Variants in FOXN3 observed in about 807,000 individuals in gnomAD.
FOXN3 encodes forkhead box protein N3.
FOXN3 carries 7 observed loss-of-function variants against 38.4 expected under a neutral mutation model. That is an observed-to-expected ratio of 0.18 (90% confidence interval 0.10 to 0.34). The LOEUF is 0.34. Ranked by LOEUF, FOXN3 falls within the 10% of genes least tolerant of loss-of-function variation. The probability of loss-of-function intolerance (pLI) is 1.00; values close to 1 mark genes in which losing one functional copy is unlikely to be tolerated. For synonymous variants in FOXN3, 230 were observed against 242.2 expected (o/e 0.95, Z 0.47); for missense variants, 456 against 613.4 (o/e 0.74, Z 2.71).
chr14:89,226,941 C>G (rs1447675950), intron 4 of FOXN3, among the ~76,000 whole-genome samples: 1 of 152,194 alleles, frequency 6.6e-6, no homozygotes, highest in Non-Finnish European at 1.5e-5. Flanking sequence ...CTGCCCACAT[C>G]TTGACTTCAG....
upstream of FOXN3, among the ~76,000 whole-genome samples, chr14:89,421,096 A>C (rs1040086113): frequency 1.3e-5 from 2 of 149,364 alleles, no homozygotes; most frequent in African/African-American, 4.9e-5. Flanking sequence ...GTTATGGGAT[A>C]CTTCTTTTTT....
chr14:89,360,308 G>C (rs180864469), intron 2 of FOXN3, among the ~76,000 whole-genome samples: 1 of 146,260 alleles, frequency 6.8e-6, no homozygotes, highest in Non-Finnish European at 1.5e-5. Context: ...GATGGAGAGA[G>C]AGAGGGGAAG....
At chr14:89,211,659 AGT>A (rs1163088506) in intron 4 of FOXN3, among the ~76,000 whole-genome samples, 3 of 152,158 alleles carry the variant, frequency 2.0e-5, no homozygotes, top group African/African-American at 7.2e-5. Context: ...TTCTTTTAGG[AGT>A]GGATTATACA....
chr14:89,612,726 C>A (rs372982478), intron 1 of FOXN3, among the ~76,000 whole-genome samples: 8 of 151,678 alleles, frequency 5.3e-5, no homozygotes, highest in Admixed American at 4.6e-4. Flanking sequence ...CCCAAGAGTT[C>A]GAGGCTGCAT....
intron 3 of FOXN3, among the ~76,000 whole-genome samples, chr14:89,306,436 C>T (rs1887378808): frequency 6.6e-6 from 1 of 152,024 alleles, no homozygotes; most frequent in Non-Finnish European, 1.5e-5. Flanking sequence ...GGCACCATCT[C>T]GGTTCACTGC....
chr14:89,201,809 A>G (rs1888243213), intron 4 of FOXN3, among the ~76,000 whole-genome samples: 1 of 152,196 alleles, frequency 6.6e-6, no homozygotes, highest in Admixed American at 6.5e-5. Flanking sequence ...TTCCCACGCC[A>G]GAAGCCACTT....
At chr14:89,464,366 A>G (rs1460615495) in intron 1 of FOXN3, among the ~76,000 whole-genome samples, 2 of 152,160 alleles carry the variant, frequency 1.3e-5, no homozygotes, top group African/African-American at 2.4e-5. Context: ...AAGAGCACTC[A>G]TCCTCTATAG....
chr14:89,286,887 A>C (rs1886645344), intron 3 of FOXN3, among the ~76,000 whole-genome samples: 1 of 152,130 alleles, frequency 6.6e-6, no homozygotes. Context: ...GACACTCTTG[A>C]CACTTTTCTA....
intron 3 of FOXN3, among the ~76,000 whole-genome samples, chr14:89,289,636 G>A (rs144834718): frequency 3.3e-5 from 5 of 152,122 alleles, no homozygotes; most frequent in African/African-American, 1.2e-4. Context: ...AAAGAATATA[G>A]GTCTTTCAAG....
chr14:89,557,727 G>T (rs867994112), intron 1 of FOXN3, among the ~76,000 whole-genome samples: 7 of 152,096 alleles, frequency 4.6e-5, no homozygotes, highest in Non-Finnish European at 4.4e-5. Context: ...GTACCAAAGG[G>T]GGGCACGGTG....
Position 89,417,093 on chromosome 14 carries a change from C to G in FOXN3, c.-237G>C, listed in dbSNP as rs1257481176. ...CATGGGACCTGCGGCGTCCGCCGGG[C>G]GCGCCGCGCGTCCTCCCGCCGGCCC... is the stretch of plus-strand genomic sequence containing the variant. On this transcript the variant is annotated 5_prime_UTR_variant, in exon 1 of 6. Coordinates refer to ENST00000557258, the MANE Select transcript of FOXN3 (RefSeq NM_005197.4). 2 of 143,748 alleles carry G rather than the reference C, an allele frequency of 1.4e-5. No individual in the cohort carries two copies. Among genetic ancestry groups the G allele is most frequent in the Non-Finnish European group, 3.1e-5 (2 of 64,884 alleles). 8.9% of individuals were successfully genotyped at this position (143,748 alleles called of 1,614,324 possible).
intron 1 of FOXN3, among the ~76,000 whole-genome samples, chr14:89,514,376 A>G (rs1894160937): frequency 6.6e-6 from 1 of 152,222 alleles, no homozygotes; most frequent in African/African-American, 2.4e-5. Flanking sequence ...TGTGATGGCA[A>G]ACCGATGGCC....
At chr14:89,323,086 A>C (rs1048255292) in intron 3 of FOXN3, among the ~76,000 whole-genome samples, 1 of 151,880 alleles carries the variant, frequency 6.6e-6, no homozygotes, top group Non-Finnish European at 1.5e-5. Flanking sequence ...CAGGAGATCA[A>C]GACCATCCTG....
intron 5 of FOXN3, among the ~76,000 whole-genome samples, chr14:89,177,513 C>G (rs1357699473): frequency 6.6e-6 from 1 of 152,132 alleles, no homozygotes; most frequent in Non-Finnish European, 1.5e-5. Context: ...CAGTCTCAAA[C>G]CCACCCTTCT....
intron 4 of FOXN3, among the ~76,000 whole-genome samples, chr14:89,264,756 A>G (rs2139896482): frequency 6.6e-6 from 1 of 152,340 alleles, no homozygotes; most frequent in South Asian, 2.1e-4. Context: ...CATCCACATC[A>G]GGAGGATGCT....
intron 4 of FOXN3, among the ~76,000 whole-genome samples, chr14:89,275,894 G>C (rs1886285792): frequency 6.6e-6 from 1 of 152,176 alleles, no homozygotes; most frequent in South Asian, 2.1e-4. Flanking sequence ...TGGGTAGGTG[G>C]GAGTCTAAGG....
chr14:89,232,334 T>C (rs545099180), intron 4 of FOXN3, among the ~76,000 whole-genome samples: 1 of 152,352 alleles, frequency 6.6e-6, no homozygotes, highest in Admixed American at 6.5e-5. Flanking sequence ...CTGCAGATAG[T>C]GTTACTGATG....
chr14:89,415,560 G>C (rs1471188468), intron 1 of FOXN3, among the ~76,000 whole-genome samples: 4 of 121,210 alleles, frequency 3.3e-5, no homozygotes. Context: ...AAGAGCTGCT[G>C]ATCACTACAG....
At chr14:89,234,528 T>C (rs1317035355) in intron 4 of FOXN3, among the ~76,000 whole-genome samples, 4 of 152,066 alleles carry the variant, frequency 2.6e-5, no homozygotes, top group Admixed American at 1.3e-4. Context: ...AGATCCCTCA[T>C]GAATGGTTGA....
Sources: allele counts gnomAD v4.1 joint callset (sites outside exome capture counted in the v4.1 genomes callset), GRCh38; gene constraint gnomAD v4.1.1; transcripts MANE v1.5; gene names NCBI Gene and HGNC (gene_info 2026-07-23, HGNC 2026-07-21).